The following NUP155 variants were observed in gnomAD, a reference collection of about 807,000 sequenced individuals.
NUP155 encodes nucleoporin 155.
A neutral mutation model predicts 180.4 loss-of-function variants in NUP155; 71 were observed. That is an observed-to-expected ratio of 0.39 (90% CI 0.33 to 0.48). The LOEUF is 0.48. Ranked by LOEUF, NUP155 falls within the 20% of genes least tolerant of loss-of-function variation. The pLI is 0.91. For missense variants in NUP155, 1,553 were observed against 1,648.9 expected, an observed-to-expected ratio of 0.94 and a Z score of 1.01; for synonymous variants, 582 against 559.5, an observed-to-expected ratio of 1.04 and a Z score of -0.57.
intron 32 of NUP155, among the ~76,000 whole-genome samples, chr5:37,297,618 G>A (rs530923823): frequency 3.9e-5 from 6 of 152,038 alleles, no homozygotes; most frequent in Non-Finnish European, 5.9e-5. Context: ...GGGCTCAAGC[G>A]ATCCATCCGC....
chr5:37,293,592 T>C (rs937000162), intron 33 of NUP155, among the ~76,000 whole-genome samples: 1 of 152,236 alleles, frequency 6.6e-6, no homozygotes, highest in Non-Finnish European at 1.5e-5. Context: ...GCATAAAAAT[T>C]ACAAAACATA....
chr5:37,291,921 A>C lies in NUP155; in HGVS notation c.4155T>G (p.Ala1385=). Residue 1385 remains alanine (A), a synonymous_variant, in exon 35 of 35, where the codon GCT becomes GCG. Coordinates refer to ENST00000231498, the MANE Select transcript of NUP155 (RefSeq NM_153485.3). ...AITGNFKSLQ[A]KLERLH ...GTAATTAATGAAGCCGTTCTAATTT[A>C]GCTTGAAGAGATTTAAAATTCCCAG... 6.2e-7 allele frequency: 1 copy of C among 1,614,098 alleles called. No homozygotes were observed. The highest frequency in any genetic ancestry group is 1.3e-5 in the African/African-American group (1 of 75,060).
chr5:37,348,387 C>T (rs1746241115), intron 9 of NUP155, 118 bp downstream of exon 9: 2 of 747,496 alleles, frequency 2.7e-6, no homozygotes, highest in Admixed American at 3.9e-5. Context: ...ATCTCTTCAA[C>T]ATTCCTTGTC....
rs144527678 is a variant in NUP155 at position 37,333,490 on chromosome 5, C to T, written c.1491G>A (p.Pro497=). 1,129 of 1,614,080 alleles carry T rather than the reference C, an allele frequency of 7.0e-4. 2 individuals carry two copies. The highest frequency in any genetic ancestry group is 7.7e-4 in the Non-Finnish European group (909 of 1,179,976). The part of the protein sequence containing the change: ...PVVVQQHMLP[P]KKFVLLSAQG... ...GTGCTGAGAGGAGAACAAATTTCTT[C>T]GGAGGTAACATGTGCTGCTGTACAA... is the stretch of plus-strand genomic sequence containing the variant. Residue 497 remains proline (P), a synonymous_variant, in exon 13 of 35, where the codon CCG becomes CCA. Transcript: ENST00000231498.
In NUP155 at chr5:37,365,752, T is replaced by TATACAC. The variant is rs1403169370; in HGVS notation, c.158-1369_158-1368insGTGTAT. On this transcript the variant is annotated intron_variant, in intron 1 of 34. Transcript: ENST00000231498. ...AAAAAAAAAAAAATATATATATATA[T>TATACAC]ACACACACACACACACACACACACA... Among the ~76,000 whole-genome samples, 127 of 37,888 alleles carry TATACAC rather than the reference T, an allele frequency of 3.4e-3. 1 individual carries two copies. The highest frequency in any genetic ancestry group is 3.7e-3 in the East Asian group (5 of 1,342). The allele number at this position is 37,888 out of a possible 152,430, so 24.9% of individuals were successfully genotyped here.
At chr5:37,311,192 T>G (rs1743501393) in intron 22 of NUP155, among the ~76,000 whole-genome samples, 1 of 152,206 alleles carries the variant, frequency 6.6e-6, no homozygotes, top group African/African-American at 2.4e-5. Context: ...TCTAAAGTAT[T>G]GATTTATACT....
intron 24 of NUP155, 91 bp from the exon 25 acceptor site, chr5:37,307,523 T>C: frequency 8.2e-7 from 1 of 1,221,318 alleles, no homozygotes; most frequent in Non-Finnish European, 1.2e-6. Flanking sequence ...ATGATCAAGG[T>C]TATGTCTCTA....
chr5:37,305,127 G>A lies in NUP155; in HGVS notation c.2987C>T (p.Pro996Leu). 6.2e-7 allele frequency: 1 copy of A among 1,613,962 alleles called. No individual in the cohort carries two copies. Among genetic ancestry groups the A allele is most frequent in the Non-Finnish European group, 8.5e-7 (1 of 1,180,006 alleles). Residue 996 changes from proline to leucine, a missense_variant, in exon 26 of 35, where the codon CCC becomes CTC. Physicochemically the swap from Pro to Leu is moderately conservative, Grantham distance 98. Coordinates refer to ENST00000231498, the MANE Select transcript of NUP155 (RefSeq NM_153485.3). ...CAACACTGGAGGACCAGGTTTTTTG[G>A]GTACACTGGGAGACTGAGGAGCGGC... ...SKAAPQSPSV[P>L]KKPGPPVLSS...
chr5:37,359,436 C>A lies in NUP155; in HGVS notation c.393-1285G>T, dbSNP rs972606005. 1.3e-4 allele frequency among the ~76,000 whole-genome samples: 20 copies of A among 151,938 alleles called. 1 individual carries two copies. Among genetic ancestry groups the A allele is most frequent in the Non-Finnish European group, 7.4e-5 (5 of 68,014 alleles). Reference sequence around the variant, plus strand: ...GGGCCATCTTACAAGGATGGAATCACAGGAAGAGCCTAAGACTGAGGATGT... The same window carrying A: ...GGGCCATCTTACAAGGATGGAATCAAAGGAAGAGCCTAAGACTGAGGATGT... On this transcript the variant is annotated intron_variant, in intron 3 of 34. Coordinates refer to ENST00000231498, the MANE Select transcript of NUP155 (RefSeq NM_153485.3).
Position 37,363,766 on chromosome 5 carries a change from C to T in NUP155, c.392+122G>A, listed in dbSNP as rs540187343. 118 of 711,400 alleles carry T rather than the reference C, an allele frequency of 1.7e-4. 1 individual carries two copies. The African/African-American group carries it at 1.9e-3, about 11-fold the overall frequency. The allele number at this position is 711,400 out of a possible 1,614,324, so 44.1% of individuals were successfully genotyped here. ...TCTCCAGATGACTGATACTGAGAAG[C>T]ACTGACCCAAAGGCTAGATGAATGA... On this transcript the variant is annotated intron_variant, in intron 3 of 34. Transcript: ENST00000231498.
intron 32 of NUP155, among the ~76,000 whole-genome samples, chr5:37,296,627 A>G (rs1254386534): frequency 2.0e-5 from 3 of 151,600 alleles, no homozygotes; most frequent in Admixed American, 6.6e-5. Context: ...CCTTCCCTCC[A>G]CTATTGTCCT....
intron 1 of NUP155, chr5:37,370,563 T>C: frequency 2.0e-6 from 2 of 1,024,458 alleles, no homozygotes; most frequent in Non-Finnish European, 1.4e-6. Flanking sequence ...GAGAAGCTCA[T>C]TAAGGTTGAG....
chr5:37,351,510 G>C lies in NUP155; in HGVS notation c.557-154C>G, dbSNP rs180978404. On this transcript the variant is annotated intron_variant, in intron 5 of 34. Transcript: ENST00000231498. Reference sequence around the variant, plus strand: ...TCACCCAGGCTGGGTGCAGTGGCCCGATCTCAGCTCACTGCAAGCTCTACC... The same window carrying C: ...TCACCCAGGCTGGGTGCAGTGGCCCCATCTCAGCTCACTGCAAGCTCTACC... 4.7e-3 allele frequency among the ~76,000 whole-genome samples: 718 copies of C among 151,290 alleles called. 3 individuals carry two copies. Among genetic ancestry groups the C allele is most frequent in the African/African-American group, 0.016 (658 of 41,186 alleles).
chr5:37,327,731 T>C lies in NUP155; in HGVS notation c.1922A>G (p.Asn641Ser). ...CATATTTGTGGCCTGAGTTGCTGGG[T>C]TTCCCAGAGCACACACTGGAGTTGA... ...AMSTPVCALGNPATQATNMSC... is the reference protein window; with the variant it reads ...AMSTPVCALGSPATQATNMSC... Residue 641 changes from asparagine to serine, a missense_variant, in exon 18 of 35, where the codon AAC becomes AGC. Transcript: ENST00000231498. 1 of 1,614,026 alleles carries C rather than the reference T, an allele frequency of 6.2e-7. No individual in the cohort carries two copies. The highest frequency in any genetic ancestry group is 8.5e-7 in the Non-Finnish European group (1 of 1,179,984).
intron 29 of NUP155, 87 bp downstream of exon 29, chr5:37,302,692 T>C (rs1742927858): frequency 7.5e-7 from 1 of 1,339,112 alleles, no homozygotes; most frequent in Non-Finnish European, 1.1e-6. Context: ...TTCTCAGACC[T>C]ATTACTTACC....
At chr5:37,357,608 TTAAAG>T (rs536143740) in intron 4 of NUP155, among the ~76,000 whole-genome samples, 48 of 152,268 alleles carry the variant, frequency 3.2e-4, no homozygotes, top group South Asian at 1.2e-3. Context: ...ACTTATACCA[TTAAAG>T]TAAACAGTTA....
At chr5:37,338,038 G>T in intron 11 of NUP155, 120 bp from the exon 12 acceptor site, 1 of 666,556 alleles carries the variant, frequency 1.5e-6, no homozygotes. Flanking sequence ...TTATAAAACC[G>T]GGCTGGGCAC....
chr5:37,358,306 G>A (rs887205892), intron 3 of NUP155, among the ~76,000 whole-genome samples, 155 bp from the exon 4 acceptor site: 1 of 152,032 alleles, frequency 6.6e-6, no homozygotes, highest in African/African-American at 2.4e-5. Context: ...TAGTGAGACT[G>A]TCTCTACAAA....
intron 5 of NUP155, 125 bp from the exon 6 acceptor site, chr5:37,351,481 T>C: frequency 1.5e-6 from 1 of 675,578 alleles, no homozygotes; most frequent in Non-Finnish European, 2.5e-6. Flanking sequence ...ACAGTCTTAC[T>C]CTGTCACCCA....
Sources: allele counts gnomAD v4.1 joint callset (sites outside exome capture counted in the v4.1 genomes callset), GRCh38; gene constraint gnomAD v4.1.1; transcripts MANE v1.5; gene names NCBI Gene and HGNC (gene_info 2026-07-23, HGNC 2026-07-21).